Variants in FMNL2 observed in about 807,000 individuals in gnomAD.
FMNL2 encodes formin like 2.
A neutral mutation model predicts 130.2 loss-of-function variants in FMNL2; 51 were observed. The ratio of observed to expected loss-of-function variants is 0.39; its 90% CI spans 0.31 to 0.49. FMNL2 has a LOEUF of 0.49. FMNL2 is among the 20% of genes least tolerant of loss of function. The probability of loss-of-function intolerance (pLI) is 0.85; values close to 1 mark genes in which losing one functional copy is unlikely to be tolerated. For missense variants in FMNL2, 977 were observed against 1,316.2 expected, an observed-to-expected ratio of 0.74 and a Z score of 3.99; for synonymous variants, 465 against 467.1, an observed-to-expected ratio of 1.00 and a Z score of 0.06.
intron 1 of FMNL2, among the ~76,000 whole-genome samples, chr2:152,435,954 A>G (rs1481468894): frequency 6.6e-6 from 1 of 152,112 alleles, no homozygotes; most frequent in Non-Finnish European, 1.5e-5. Context: ...TTAGAGCCCC[A>G]AAGATTGTTC....
At chr2:152,407,482 G>A (rs1465052200) in intron 1 of FMNL2, among the ~76,000 whole-genome samples, 1 of 152,022 alleles carries the variant, frequency 6.6e-6, no homozygotes, top group African/African-American at 2.4e-5. Flanking sequence ...TGCCCCTCCT[G>A]CTCACATTTC....
intron 1 of FMNL2, among the ~76,000 whole-genome samples, chr2:152,432,394 G>A (rs2106095020): frequency 6.6e-6 from 1 of 152,174 alleles, no homozygotes. Context: ...GTTTTCTTAA[G>A]GTCTGATACA....
At chr2:152,422,845 G>C (rs1361047020) in intron 1 of FMNL2, among the ~76,000 whole-genome samples, 1 of 152,070 alleles carries the variant, frequency 6.6e-6, no homozygotes, top group Non-Finnish European at 1.5e-5. Context: ...ATTTTTAGTA[G>C]ATTTACAGAG....
intron 1 of FMNL2, among the ~76,000 whole-genome samples, chr2:152,453,370 C>G (rs1688762959): frequency 1.3e-5 from 2 of 152,214 alleles, no homozygotes; most frequent in Non-Finnish European, 1.5e-5. Flanking sequence ...TTTAAAAGAG[C>G]TTTCTGTGTC....
chr2:152,346,492 A>G (rs1467569184), intron 1 of FMNL2, among the ~76,000 whole-genome samples: 1 of 151,828 alleles, frequency 6.6e-6, no homozygotes. Context: ...AAAATTAAAA[A>G]AAGAAACCAC....
chr2:152,558,348 G>T (rs1196154934), intron 4 of FMNL2, among the ~76,000 whole-genome samples: 1 of 152,110 alleles, frequency 6.6e-6, no homozygotes, highest in Non-Finnish European at 1.5e-5. Flanking sequence ...TGGTTATGTT[G>T]TCATGTCCCC....
chr2:152,624,781 G>C (rs35937874), intron 15 of FMNL2, among the ~76,000 whole-genome samples: 7 of 152,088 alleles, frequency 4.6e-5, no homozygotes, highest in Non-Finnish European at 8.8e-5. Context: ...AGGCTGCAGC[G>C]AGCCATGATT....
rs534378727 is a variant in FMNL2, at chr2:152,569,028, A to T, written c.597-6108A>T. Among the ~76,000 whole-genome samples, 46 of 151,888 alleles carry T rather than the reference A, an allele frequency of 3.0e-4. 1 individual carries two copies. The South Asian group carries it at 6.5e-3, about 21-fold the overall frequency. On this transcript the variant is annotated intron_variant, in intron 6 of 25. Transcript: ENST00000288670. ...AGTACTTACGTTTACCACCATTGTT[A>T]TTATTTTTAAGAATGTACTACTTTA...
chr2:152,580,815 T>A, intron 8 of FMNL2, 141 bp from the exon 9 acceptor site: 1 of 710,354 alleles, frequency 1.4e-6, no homozygotes, highest in South Asian at 1.9e-5. Flanking sequence ...AAAAATGTAC[T>A]TTGATTAAAC....
At chr2:152,381,482 G>T (rs1170160478) in intron 1 of FMNL2, among the ~76,000 whole-genome samples, 1 of 152,200 alleles carries the variant, frequency 6.6e-6, no homozygotes, top group Admixed American at 6.5e-5. Context: ...GTTCACAGCA[G>T]AGATCATATT....
chr2:152,559,853 T>C (rs1383514685), intron 5 of FMNL2, among the ~76,000 whole-genome samples: 1 of 152,234 alleles, frequency 6.6e-6, no homozygotes, highest in East Asian at 1.9e-4. Flanking sequence ...TATTACCTCC[T>C]GCAGCCAAAG....
At chr2:152,523,728 T>G (rs1289163200) in intron 2 of FMNL2, among the ~76,000 whole-genome samples, 2 of 152,216 alleles carry the variant, frequency 1.3e-5, no homozygotes, top group East Asian at 3.8e-4. Flanking sequence ...GTTCATTATT[T>G]AATTTGGGGC....
intron 1 of FMNL2, among the ~76,000 whole-genome samples, chr2:152,475,237 A>G (rs1690084673): frequency 6.6e-6 from 1 of 152,254 alleles, no homozygotes; most frequent in Non-Finnish European, 1.5e-5. Context: ...CTTTGGACCC[A>G]TAAAAATATA....
At chr2:152,564,770 AG>A (rs1416575178) in intron 6 of FMNL2, among the ~76,000 whole-genome samples, 1 of 34,844 alleles carries the variant, frequency 2.9e-5, no homozygotes, top group African/African-American at 9.3e-5. Context: ...CTAAAATACA[AG>A]GTTGGTTTTT....
intron 9 of FMNL2, among the ~76,000 whole-genome samples, chr2:152,591,024 T>TTTTTTTTTTTTTG (rs1558989613): frequency 1.6e-4 from 15 of 94,910 alleles, no homozygotes; most frequent in East Asian, 8.0e-4. Flanking sequence ...TTTTTTTTTT[T>TTTTTTTTTTTTTG]GAGACAGCAT....
At chr2:152,479,772 G>A (rs1243399872) in intron 1 of FMNL2, among the ~76,000 whole-genome samples, 1 of 138,066 alleles carries the variant, frequency 7.2e-6, no homozygotes, top group African/African-American at 2.7e-5. Flanking sequence ...GTGCAGTGTC[G>A]CGATCTCGGC....
chr2:152,417,515 G>T (rs1215571155), intron 1 of FMNL2, among the ~76,000 whole-genome samples: 7 of 152,162 alleles, frequency 4.6e-5, no homozygotes, highest in African/African-American at 1.7e-4. Flanking sequence ...TTGCAAGGTT[G>T]GATTTGCTTA....
intron 1 of FMNL2, among the ~76,000 whole-genome samples, chr2:152,362,310 G>A (rs894291415): frequency 6.6e-6 from 1 of 152,144 alleles, no homozygotes; most frequent in African/African-American, 2.4e-5. Context: ...ACAGTGTAAA[G>A]AGTGGTGAAA....
intron 1 of FMNL2, among the ~76,000 whole-genome samples, chr2:152,436,401 C>A (rs995978419): frequency 3.3e-5 from 5 of 152,096 alleles, no homozygotes; most frequent in African/African-American, 1.2e-4. Flanking sequence ...CCTCAGCCTC[C>A]CAAGGTGCTG....
Sources: gnomAD v4.1 joint callset for allele counts (sites outside exome capture counted in the v4.1 genomes callset) on GRCh38, gnomAD v4.1.1 for gene constraint, MANE v1.5 for transcripts, NCBI Gene and HGNC (gene_info 2026-07-23, HGNC 2026-07-21) for gene names.